The following URB1 variants were observed in gnomAD, a reference collection of about 807,000 sequenced individuals.
URB1 encodes the protein URB1 ribosome biogenesis factor.
In URB1, 197 loss-of-function variants were observed where a neutral mutation model predicts 242.3. The observed-to-expected ratio is 0.81, with a 90% confidence interval of 0.72 to 0.91. The LOEUF is 0.91. Ranked by LOEUF, URB1 falls within the 40% of genes least tolerant of loss-of-function variation. The probability of loss-of-function intolerance (pLI) is 0.00; values close to 1 mark genes in which losing one functional copy is unlikely to be tolerated. For missense variants in URB1, 2,721 were observed against 2,860.5 expected, an observed-to-expected ratio of 0.95 and a Z score of 1.11; for synonymous variants, 1,153 against 1,201.8, an observed-to-expected ratio of 0.96 and a Z score of 0.84.
chr21:32,357,455 A>G (rs531048041), intron 15 of URB1, 82 bp downstream of exon 15: 123 of 1,287,724 alleles, frequency 9.6e-5, no homozygotes, highest in South Asian at 4.7e-4. Flanking sequence ...CCTGAATTCA[A>G]TAACTGTTAA....
At chr21:32,391,250 G>GGA (rs1260578757) in intron 1 of URB1, among the ~76,000 whole-genome samples, 1 of 151,900 alleles carries the variant, frequency 6.6e-6, no homozygotes, top group Non-Finnish European at 1.5e-5. Context: ...GACAGCATTA[G>GGA]GAGATATACC....
intron 30 of URB1, among the ~76,000 whole-genome samples, chr21:32,328,455 A>C (rs1264572622): frequency 6.6e-6 from 1 of 152,174 alleles, no homozygotes; most frequent in Non-Finnish European, 1.5e-5. Context: ...CTTATTTCTC[A>C]CAAGTGACTG....
At position 32,337,038 on chromosome 21, in the gene URB1, G is replaced by A. The variant is rs79004989; in HGVS notation, c.4685+56C>T. ...GAAAATCTCGAGTCTGGAGCTCACT[G>A]TGTGGAGAGCAGGCTGTGACCTCAA... On this transcript the variant is annotated intron_variant, in intron 28 of 38. Coordinates refer to ENST00000382751, the MANE Select transcript of URB1 (RefSeq NM_014825.3). The A allele has an allele frequency of 8.0e-3, 11,894 of 1,480,102 alleles. 420 individuals are homozygous for A. The East Asian group carries it at 0.099, about 12-fold the overall frequency. The allele number at this position is 1,480,102 out of a possible 1,614,324, so 91.7% of individuals were successfully genotyped here. A position where few individuals can be genotyped will look rare whatever the true frequency, so the allele number is the denominator to read the frequency against.
chr21:32,354,817 GTC>G (rs1264275499), intron 17 of URB1, 40 bp downstream of exon 17: 4 of 1,533,706 alleles, frequency 2.6e-6, no homozygotes, highest in Admixed American at 4.0e-5. Context: ...CTGTGGCTTG[GTC>G]TTCAGACCTC....
rs1568818590 is a variant in URB1, at chr21:32,347,007, G to A, written c.3817C>T (p.His1273Tyr). 1 of 1,545,216 alleles carries A rather than the reference G, an allele frequency of 6.5e-7. No individual in the cohort carries two copies. The highest frequency in any genetic ancestry group is 2.5e-5 in the East Asian group (1 of 40,744). ...CGTGTCCTGCACTGGAGGTACACAT[G>A]GATGAGGGGAAGGAAGTCGTCCAGG... Reference protein sequence around the residue: ...GDLDDFLPLIHVYLQCRTRSH... With the variant: ...GDLDDFLPLIYVYLQCRTRSH... The change falls in exon 22 of 39, where the codon CAT becomes TAT. Residue 1273 changes from histidine to tyrosine, a missense_variant. His to Tyr is a moderately conservative substitution (Grantham distance 83). Coordinates refer to ENST00000382751, the MANE Select transcript of URB1 (RefSeq NM_014825.3).
Position 32,344,711 on chromosome 21 carries a change from T to C in URB1, c.4116A>G (p.Ala1372=). 1 of 1,552,098 alleles carries C rather than the reference T, an allele frequency of 6.4e-7. No homozygotes were observed. Among genetic ancestry groups the C allele is most frequent in the Non-Finnish European group, 8.7e-7 (1 of 1,147,098 alleles). Residue 1372 remains alanine (A), a synonymous_variant, in exon 24 of 39, where the codon GCA becomes GCG. Transcript: ENST00000382751. ...TCCTTCTCCAGGCACACAGCTCTTC[T>C]GCTGACCCTTCCAGAGCTGCTGAAA... ...DSISAALEGS[A]EELCAWRRTL...
intron 24 of URB1, 149 bp from the exon 25 acceptor site, chr21:32,341,673 G>A: frequency 2.9e-6 from 2 of 679,962 alleles, no homozygotes; most frequent in Non-Finnish European, 4.9e-6. Context: ...GTTGAAAAGA[G>A]GAGCGCTGGT....
rs750660239 is a variant in URB1 at position 32,319,306 on chromosome 21, C to T, written c.5703G>A (p.Gln1901=). Residue 1901 remains glutamine (Q), a synonymous_variant, in exon 36 of 39, where the codon CAG becomes CAA. Transcript: ENST00000382751. ...GCTTGGCAGGCTCCTGGGAGCTAGG[C>T]TGGCAAAGGCGCTGGCTCTCCCACT... ...AVEWESQRLC[Q]PSSQEPAKRL... 4.5e-6 allele frequency: 7 copies of T among 1,551,314 alleles called. No individual in the cohort carries two copies. In the South Asian group the frequency reaches 7.1e-5, roughly 16 times the overall value.
At chr21:32,373,031 G>A (rs2033422731) in intron 7 of URB1, among the ~76,000 whole-genome samples, 1 of 152,114 alleles carries the variant, frequency 6.6e-6, no homozygotes, top group Non-Finnish European at 1.5e-5. Context: ...CTTGAGAGGT[G>A]AATTATTATA....
chr21:32,382,068 T>C (rs929258220), intron 4 of URB1, among the ~76,000 whole-genome samples: 1 of 152,170 alleles, frequency 6.6e-6, no homozygotes, highest in African/African-American at 2.4e-5. Flanking sequence ...GACCCTGAGA[T>C]GAAACGGCTT....
In URB1 at chr21:32,347,515, C is replaced by T. The variant is rs1158931094; in HGVS notation, c.3309G>A (p.Pro1103=). 8.4e-6 allele frequency: 13 copies of T among 1,551,184 alleles called. No homozygotes were observed. The highest frequency in any genetic ancestry group is 5.9e-5 in the Admixed American group (3 of 50,942). Residue 1103 remains proline, a synonymous_variant, in exon 22 of 39, where the codon CCG becomes CCA. Transcript: ENST00000382751. The stretch of plus-strand genomic sequence containing the variant: ...GCAGCTCCTGCAGGGCCTCCAGCTG[C>T]GGCGGGGTCTTTGGTGGTGATGTGG... ...GPATSPPKTP[P]QLEALQELHP...
chr21:32,383,252 G>A (rs961003597), intron 4 of URB1, among the ~76,000 whole-genome samples, 170 bp downstream of exon 4: 5 of 152,210 alleles, frequency 3.3e-5, no homozygotes, highest in East Asian at 1.9e-4. Context: ...AGCCTGAAGC[G>A]AGTCCTGTCC....
In URB1 at chr21:32,311,723, C is replaced by T. The variant is rs541232131; in HGVS notation, c.*3195G>A. ...ACCACCAAACATGCCCCTGGAGTCACGGCCTCAACCTCCACCTCTGCATCC... is the reference window on the plus strand; with the variant it reads ...ACCACCAAACATGCCCCTGGAGTCATGGCCTCAACCTCCACCTCTGCATCC... On this transcript the variant is annotated 3_prime_UTR_variant, in exon 39 of 39. Coordinates refer to ENST00000382751, the MANE Select transcript of URB1 (RefSeq NM_014825.3). The T allele has an allele frequency of 1.3e-5, 21 of 1,613,886 alleles. No individual in the cohort carries two copies. The East Asian group carries it at 3.3e-4, about 26-fold the overall frequency.
rs368643955 is a variant in URB1, at chr21:32,346,961, G to C, written c.3863C>G (p.Ala1288Gly). The C allele has an allele frequency of 6.6e-7, 1 of 1,509,694 alleles. No individual in the cohort carries two copies. Among genetic ancestry groups the C allele is most frequent in the Non-Finnish European group, 8.9e-7 (1 of 1,119,392 alleles). The allele number at this position is 1,509,694 out of a possible 1,614,324, so 93.5% of individuals were successfully genotyped here. The change falls in exon 22 of 39, where the codon GCA becomes GGA. Residue 1288 changes from alanine (A) to glycine (G), a missense_variant. Ala to Gly is a moderately conservative substitution (Grantham distance 60). Coordinates refer to ENST00000382751, the MANE Select transcript of URB1 (RefSeq NM_014825.3). Reference protein sequence around the residue: ...CRTRSHFTRPAGVSSAVIPVL... With the variant: ...CRTRSHFTRPGGVSSAVIPVL... ...AAAGCTAGCCTTTCCCTTACCTCCT[G>C]CTGGGCGTGTGAAGTGGCTCCGTGT...
At chr21:32,385,761 T>C (rs2033577410) in intron 1 of URB1, 77 bp from the exon 2 acceptor site, 1 of 1,521,762 alleles carries the variant, frequency 6.6e-7, no homozygotes, top group African/African-American at 1.4e-5. Context: ...TGCAACCTGC[T>C]TTCCCTATTC....
Position 32,316,563 on chromosome 21 carries a change from C to T in URB1, c.6537G>A (p.Gln2179=). The stretch of plus-strand genomic sequence containing the variant: ...CTGCCCGGCCCTGGGCAGCCACCAG[C>T]TGCAGCATGACCGTATTGAACAGGC... ...VACLFNTVML[Q]LVAAQGRAGS... Residue 2179 remains glutamine, a synonymous_variant, in exon 38 of 39, where the codon CAG becomes CAA. Transcript: ENST00000382751. The T allele has an allele frequency of 6.4e-7, 1 of 1,551,316 alleles. No individual in the cohort carries two copies. The highest frequency in any genetic ancestry group is 8.7e-7 in the Non-Finnish European group (1 of 1,146,898).
At position 32,352,900 on chromosome 21, in the gene URB1, T is replaced by C. The variant is rs2033174578; in HGVS notation, c.2423A>G (p.Asn808Ser). 6.5e-7 allele frequency: 1 copy of C among 1,544,668 alleles called. No individual in the cohort carries two copies. Among genetic ancestry groups the C allele is most frequent in the Non-Finnish European group, 8.7e-7 (1 of 1,143,010 alleles). The change falls in exon 19 of 39, where the codon AAC becomes AGC. Residue 808 changes from asparagine (N) to serine (S), a missense_variant. Coordinates refer to ENST00000382751, the MANE Select transcript of URB1 (RefSeq NM_014825.3). ...LLGTGNEAAE[N>S]VVTYLTAVLT... Reference sequence around the variant, plus strand: ...CACTGCCGTCAGATATGTCACAACGTTTTCCGCTGCAAAGGAACGAGATGC... The same window carrying C: ...CACTGCCGTCAGATATGTCACAACGCTTTCCGCTGCAAAGGAACGAGATGC...
chr21:32,358,752 C>T (rs1011235256), intron 14 of URB1, among the ~76,000 whole-genome samples: 1 of 152,098 alleles, frequency 6.6e-6, no homozygotes, highest in Non-Finnish European at 1.5e-5. Flanking sequence ...CAGCAATGCC[C>T]GAGCCTGTCA....
At chr21:32,345,869 G>A (rs2033081192) in intron 22 of URB1, among the ~76,000 whole-genome samples, 1 of 152,154 alleles carries the variant, frequency 6.6e-6, no homozygotes, top group Non-Finnish European at 1.5e-5. Context: ...GACCATGAGT[G>A]CCAAGGTTCT....
Sources: allele counts gnomAD v4.1 joint callset (sites outside exome capture counted in the v4.1 genomes callset), GRCh38; gene constraint gnomAD v4.1.1; transcripts MANE v1.5; gene names NCBI Gene and HGNC (gene_info 2026-07-23, HGNC 2026-07-21).